Variants in KLHL32 observed in about 807,000 individuals in gnomAD.
KLHL32 encodes the protein kelch-like protein 32.
A neutral mutation model predicts 64.8 loss-of-function variants in KLHL32; 35 were observed. The ratio of observed to expected loss-of-function variants is 0.54; its 90% CI spans 0.41 to 0.72. The LOEUF is 0.72. Ranked by LOEUF, KLHL32 falls within the 30% of genes least tolerant of loss-of-function variation. The pLI, the probability that KLHL32 is intolerant of heterozygous loss-of-function variation, is 0.00. For synonymous variants in KLHL32, 259 were observed against 281.0 expected (o/e 0.92, Z 0.78); for missense variants, 589 against 768.5 (o/e 0.77, Z 2.76).
chr6:96,999,077 T>C (rs955873788), intron 3 of KLHL32, among the ~76,000 whole-genome samples: 3 of 152,122 alleles, frequency 2.0e-5, no homozygotes, highest in Non-Finnish European at 2.9e-5. Context: ...TGTGGGGAAG[T>C]GATACAAATG....
At chr6:97,122,512 A>G (rs1396931959) in intron 7 of KLHL32, among the ~76,000 whole-genome samples, 2 of 152,172 alleles carry the variant, frequency 1.3e-5, no homozygotes, top group Non-Finnish European at 2.9e-5. Flanking sequence ...CTATGGTATT[A>G]CTTTTTTTAA....
At chr6:96,968,614 C>T (rs1406055894) in intron 2 of KLHL32, among the ~76,000 whole-genome samples, 1 of 152,144 alleles carries the variant, frequency 6.6e-6, no homozygotes, top group Non-Finnish European at 1.5e-5. Flanking sequence ...CTGTCTTCCA[C>T]AGTGCAGTAA....
Position 97,130,778 on chromosome 6 carries a change from C to T in KLHL32, c.1435C>T (p.Pro479Ser). The change falls in exon 9 of 11, where the codon CCC becomes TCC. Residue 479 changes from proline (P) to serine (S), a missense_variant. Physicochemically the swap from Pro to Ser is moderately conservative, Grantham distance 74 (BLOSUM62 -1). Coordinates refer to ENST00000369261, the MANE Select transcript of KLHL32 (RefSeq NM_052904.4). Reference protein sequence around the residue: ...PNQNKWISRSPMLQRRVYHSM... With the variant: ...PNQNKWISRSSMLQRRVYHSM... The stretch of plus-strand genomic sequence containing the variant: ...TCAGAATAAGTGGATAAGCCGTAGC[C>T]CCATGCTGCAGAGAAGGGTCTACCA... 6.2e-7 allele frequency: 1 copy of T among 1,613,374 alleles called. No individual in the cohort carries two copies. Among genetic ancestry groups the T allele is most frequent in the South Asian group, 1.1e-5 (1 of 90,932 alleles).
rs1799381577 is a variant in KLHL32 at position 97,130,989 on chromosome 6, C to G, written c.1606+40C>G. Reference sequence around the variant, plus strand: ...TTAAGTAAATCAGGAAAAGTAGATTCAAGAAGTCACCAAACTTGTTTCATA... The same window carrying G: ...TTAAGTAAATCAGGAAAAGTAGATTGAAGAAGTCACCAAACTTGTTTCATA... On this transcript the variant is annotated intron_variant, in intron 9 of 10. Coordinates refer to ENST00000369261, the MANE Select transcript of KLHL32 (RefSeq NM_052904.4). 11 of 1,566,588 alleles carry G rather than the reference C, an allele frequency of 7.0e-6. 1 individual carries two copies. The South Asian group carries it at 1.1e-4, about 16-fold the overall frequency.
At chr6:97,073,590 G>T (rs1791110122) in intron 5 of KLHL32, among the ~76,000 whole-genome samples, 1 of 152,096 alleles carries the variant, frequency 6.6e-6, no homozygotes, top group South Asian at 2.1e-4. Flanking sequence ...CTAGTGCATG[G>T]TGGTACTTAG....
intron 5 of KLHL32, among the ~76,000 whole-genome samples, chr6:97,070,399 A>G (rs1277105960): frequency 1.3e-5 from 2 of 152,150 alleles, no homozygotes; most frequent in African/African-American, 4.8e-5. Flanking sequence ...TAACATTCAT[A>G]TTTGGCTTTG....
chr6:97,031,550 C>G (rs1457037304), intron 3 of KLHL32, among the ~76,000 whole-genome samples: 1 of 151,976 alleles, frequency 6.6e-6, no homozygotes, highest in Non-Finnish European at 1.5e-5. Context: ...GTTGCCCAGC[C>G]TGGTCTCAAA....
chr6:96,923,039 A>G (rs1768802474), upstream of KLHL32, among the ~76,000 whole-genome samples: 1 of 152,176 alleles, frequency 6.6e-6, no homozygotes. Flanking sequence ...GCCAGGAGAT[A>G]CCCTGAGACA....
Position 97,121,698 on chromosome 6 carries a change from C to A in KLHL32, c.1355-5706C>A, listed in dbSNP as rs901833963. 1.1e-4 allele frequency among the ~76,000 whole-genome samples: 16 copies of A among 151,636 alleles called. 1 individual carries two copies. Among genetic ancestry groups the A allele is most frequent in the Admixed American group, 7.2e-4 (11 of 15,198 alleles). ...ACAAAACTCTTCTCACGGAGAGAAC[C>A]CCCTTTGTTTAGATGATTGTTTTGT... On this transcript the variant is annotated intron_variant, in intron 7 of 10. Coordinates refer to ENST00000369261, the MANE Select transcript of KLHL32 (RefSeq NM_052904.4).
At chr6:97,099,875 T>TAA (rs11307696) in intron 6 of KLHL32, among the ~76,000 whole-genome samples, 2 of 146,486 alleles carry the variant, frequency 1.4e-5, no homozygotes, top group Non-Finnish European at 3.0e-5. Context: ...CTATTTGGGT[T>TAA]AAAAAAAAAA....
At chr6:96,923,213 T>C (rs1395258994), upstream of KLHL32, among the ~76,000 whole-genome samples, 2 of 152,240 alleles carry the variant, frequency 1.3e-5, no homozygotes, top group Non-Finnish European at 2.9e-5. Flanking sequence ...TCAATATAGA[T>C]GGGCTTAAAA....
chr6:97,045,345 C>T (rs556750317), intron 4 of KLHL32, among the ~76,000 whole-genome samples: 1 of 152,184 alleles, frequency 6.6e-6, no homozygotes, highest in South Asian at 2.1e-4. Flanking sequence ...AGAAAGATAC[C>T]ATCTCTAAAT....
intron 3 of KLHL32, among the ~76,000 whole-genome samples, chr6:97,033,895 T>C (rs1009195546): frequency 6.6e-6 from 1 of 152,182 alleles, no homozygotes; most frequent in African/African-American, 2.4e-5. Flanking sequence ...TTTATTTTGC[T>C]ATTGAATTTT....
intron 7 of KLHL32, among the ~76,000 whole-genome samples, chr6:97,126,725 A>T (rs937676056): frequency 1.3e-5 from 2 of 152,212 alleles, no homozygotes; most frequent in South Asian, 2.1e-4. Context: ...TAGTATGAAA[A>T]AAAGAATATG....
intron 4 of KLHL32, among the ~76,000 whole-genome samples, chr6:97,055,796 TAAAAAAA>T (rs750242567): frequency 0.1 from 8,422 of 80,952 alleles, 1,306 homozygotes; most frequent in Admixed American, 0.32. Context: ...AGAACCTGTC[TAAAAAAA>T]AAAAAAAAAA....
chr6:97,049,962 G>A (rs1786596709), intron 4 of KLHL32, among the ~76,000 whole-genome samples: 1 of 152,124 alleles, frequency 6.6e-6, no homozygotes, highest in Admixed American at 6.5e-5. Flanking sequence ...CACCTGTAGG[G>A]CAGGGCCAAT....
intron 1 of KLHL32, among the ~76,000 whole-genome samples, chr6:96,934,709 A>T (rs182047540): frequency 6.6e-6 from 1 of 152,368 alleles, no homozygotes; most frequent in Non-Finnish European, 1.5e-5. Flanking sequence ...AGCTCGGTTG[A>T]TTAATAACAT....
chr6:96,926,799 G>A (rs993293783), intron 1 of KLHL32, among the ~76,000 whole-genome samples: 2 of 152,108 alleles, frequency 1.3e-5, no homozygotes, highest in African/African-American at 4.8e-5. Context: ...AGTTTTTTAA[G>A]GAAAACAGAA....
rs1464912743 is a variant in KLHL32 at position 97,085,476 on chromosome 6, T to C, written c.627+135T>C. 9.7e-6 allele frequency: 7 copies of C among 721,986 alleles called. No individual in the cohort carries two copies. In the Admixed American group the frequency reaches 9.8e-5, roughly 10 times the overall value. 44.7% of individuals were successfully genotyped at this position (721,986 alleles called of 1,614,324 possible). ...AGTTGTTTTAGAAGTCATGCTTCCTTGATGGACAAGTGATTGGAGAACACT... is the reference window on the plus strand; with the variant it reads ...AGTTGTTTTAGAAGTCATGCTTCCTCGATGGACAAGTGATTGGAGAACACT... On this transcript the variant is annotated intron_variant, in intron 6 of 10. Transcript: ENST00000369261.
Sources: gnomAD v4.1 joint callset for allele counts (sites outside exome capture counted in the v4.1 genomes callset) on GRCh38, gnomAD v4.1.1 for gene constraint, MANE v1.5 for transcripts, NCBI Gene and HGNC (gene_info 2026-07-23, HGNC 2026-07-21) for gene names.